Variants in MEGF11 observed in about 807,000 individuals in gnomAD.
The protein encoded by MEGF11 is multiple epidermal growth factor-like domains protein 11.
Under a neutral mutation model 146.6 loss-of-function variants are expected in MEGF11, and 126 were observed. The observed-to-expected ratio is 0.86, with a 90% CI of 0.74 to 1.00. The LOEUF (loss-of-function observed/expected upper bound fraction) is 1.00. Among genes scored for constraint, MEGF11 ranks in the 50% least tolerant of loss-of-function variants. The pLI, the probability that MEGF11 is intolerant of heterozygous loss-of-function variation, is 0.00. For synonymous variants in MEGF11, 532 were observed against 583.4 expected (o/e 0.91, Z 1.27); for missense variants, 1,509 against 1,521.2 (o/e 0.99, Z 0.13).
chr15:66,123,837 A>G (rs2088178866), intron 3 of MEGF11, 62 bp downstream of exon 3: 2 of 1,405,106 alleles, frequency 1.4e-6, no homozygotes, highest in African/African-American at 2.8e-5. Flanking sequence ...TAACTTGCAC[A>G]GAGGCAAGCC....
At chr15:66,037,664 C>A (rs767941618) in intron 5 of MEGF11, among the ~76,000 whole-genome samples, 8 of 152,230 alleles carry the variant, frequency 5.3e-5, no homozygotes, top group Non-Finnish European at 8.8e-5. Flanking sequence ...GGGCAGCTCT[C>A]TTCCATCAGA....
rs372811868 is a variant in MEGF11, at chr15:66,233,143, T to A, written c.-9+20462A>T. Among the ~76,000 whole-genome samples the A allele has an allele frequency of 5.9e-5, 9 of 152,344 alleles. No individual in the cohort carries two copies. The East Asian group carries it at 7.7e-4, about 13-fold the overall frequency. On this transcript the variant is annotated intron_variant, in intron 1 of 25. Transcript: ENST00000395614. ...CTGGGCTGTTCATAATACCAGCACC[T>A]AGCATAGAGCATACTATGTGCCAGG... is the stretch of plus-strand genomic sequence containing the variant.
At chr15:65,915,670 T>C (rs2078972708) in intron 18 of MEGF11, 72 bp from the exon 19 acceptor site, 2 of 1,565,464 alleles carry the variant, frequency 1.3e-6, no homozygotes, top group Admixed American at 1.8e-5. Context: ...TTTAGACAGC[T>C]ATGGCAATAA....
chr15:66,172,342 A>G (rs2090282768), intron 1 of MEGF11, among the ~76,000 whole-genome samples: 1 of 152,032 alleles, frequency 6.6e-6, no homozygotes. Context: ...GGTATTGTCC[A>G]CTCACCCCTC....
intron 1 of MEGF11, among the ~76,000 whole-genome samples, chr15:66,211,541 A>G (rs2091453066): frequency 8.0e-6 from 1 of 124,754 alleles, no homozygotes. Flanking sequence ...AAAAAAAAAA[A>G]GAAAATCATC....
chr15:66,034,071 T>C (rs1350363388), intron 5 of MEGF11, among the ~76,000 whole-genome samples: 1 of 152,246 alleles, frequency 6.6e-6, no homozygotes, highest in East Asian at 1.9e-4. Flanking sequence ...ATTACAGGCA[T>C]GGGCCACCAT....
chr15:66,155,968 C>G (rs1467214704), intron 1 of MEGF11, among the ~76,000 whole-genome samples: 4 of 152,172 alleles, frequency 2.6e-5, no homozygotes, highest in African/African-American at 9.7e-5. Flanking sequence ...CCCACCGACC[C>G]ATCAGCCTGG....
In MEGF11 at chr15:66,155,449, A is replaced by T. The variant is rs372866973; in HGVS notation, c.-8-27038T>A. ...TTAGGATGGGGTGCACACAGAGGTG[A>T]AGGGCTCAGGTAGGCACTCCCTTGC... On this transcript the variant is annotated intron_variant, in intron 1 of 25. Transcript: ENST00000395614. Among the ~76,000 whole-genome samples, 22 of 152,228 alleles carry T rather than the reference A, an allele frequency of 1.4e-4. No homozygotes were observed. The South Asian group carries it at 2.3e-3, about 16-fold the overall frequency.
At chr15:65,913,703 G>A in intron 20 of MEGF11, 34 bp downstream of exon 20, 1 of 1,552,526 alleles carries the variant, frequency 6.4e-7, no homozygotes, top group Non-Finnish European at 8.8e-7. Flanking sequence ...TGTGTGGAGG[G>A]GAAGAGGAGG....
chr15:65,953,624 G>T (rs78147199), intron 10 of MEGF11, among the ~76,000 whole-genome samples: 5 of 152,292 alleles, frequency 3.3e-5, no homozygotes, highest in African/African-American at 1.2e-4. Flanking sequence ...CTGGATGGGG[G>T]TCTGATTAGT....
chr15:66,207,098 T>C (rs983337685), intron 1 of MEGF11, among the ~76,000 whole-genome samples: 2 of 150,602 alleles, frequency 1.3e-5, no homozygotes, highest in African/African-American at 2.5e-5. Flanking sequence ...ATAATGGGAG[T>C]CCCAAAAGGA....
chr15:65,965,940 G>A lies in MEGF11; in HGVS notation c.900-820C>T, dbSNP rs192152495. Among the ~76,000 whole-genome samples the A allele has an allele frequency of 8.5e-5, 13 of 152,168 alleles. No individual in the cohort carries two copies. The South Asian group carries it at 1.2e-3, about 15-fold the overall frequency. On this transcript the variant is annotated intron_variant, in intron 8 of 25. Coordinates refer to ENST00000395614, the MANE Select transcript of MEGF11 (RefSeq NM_001385028.1). ...CACCACCCATCTCCAGAATGTTTCC[G>A]TCTTCCCAAACTGAAACTCTGCACC... is the stretch of plus-strand genomic sequence containing the variant.
intron 5 of MEGF11, among the ~76,000 whole-genome samples, chr15:66,059,087 C>T (rs1468751300): frequency 1.3e-5 from 2 of 152,162 alleles, no homozygotes; most frequent in South Asian, 4.1e-4. Flanking sequence ...TGGAACATCC[C>T]CCCTAGTTAC....
intron 13 of MEGF11, among the ~76,000 whole-genome samples, chr15:65,926,821 G>A (rs1404205317): frequency 6.6e-6 from 1 of 152,182 alleles, no homozygotes; most frequent in African/African-American, 2.4e-5. Flanking sequence ...CAAAATTAAG[G>A]CAATGAAAAA....
chr15:66,013,314 G>T (rs1403425805), intron 5 of MEGF11, among the ~76,000 whole-genome samples: 1 of 152,194 alleles, frequency 6.6e-6, no homozygotes, highest in Admixed American at 6.5e-5. Context: ...CAGGCTCTGT[G>T]CTTGCTTTGC....
chr15:66,210,495 G>A (rs192000019), intron 1 of MEGF11, among the ~76,000 whole-genome samples: 21 of 152,218 alleles, frequency 1.4e-4, no homozygotes, highest in African/African-American at 4.3e-4. Context: ...GCAGGGGTGG[G>A]AATCATCTCG....
At chr15:66,000,881 G>A (rs1011576745) in intron 5 of MEGF11, among the ~76,000 whole-genome samples, 2 of 152,234 alleles carry the variant, frequency 1.3e-5, no homozygotes, top group African/African-American at 2.4e-5. Flanking sequence ...TAGCCTCAGG[G>A]CTGGGAAAGC....
chr15:66,034,065 C>T (rs1287008138), intron 5 of MEGF11, among the ~76,000 whole-genome samples: 1 of 152,258 alleles, frequency 6.6e-6, no homozygotes, highest in East Asian at 1.9e-4. Flanking sequence ...GCTGGGATTA[C>T]AGGCATGGGC....
intron 2 of MEGF11, among the ~76,000 whole-genome samples, chr15:66,127,776 C>A (rs543927881): frequency 4.6e-5 from 7 of 152,190 alleles, no homozygotes; most frequent in African/African-American, 1.7e-4. Flanking sequence ...CCCGCTCTTC[C>A]GCTGCAGCTT....
Sources: allele counts gnomAD v4.1 joint callset (sites outside exome capture counted in the v4.1 genomes callset), GRCh38; gene constraint gnomAD v4.1.1; transcripts MANE v1.5; gene names NCBI Gene and HGNC (gene_info 2026-07-23, HGNC 2026-07-21).